Variants in ISM1 observed in about 807,000 individuals in gnomAD.
ISM1 encodes isthmin 1.
A neutral mutation model predicts 46.3 loss-of-function variants in ISM1; 25 were observed. The ratio of observed to expected loss-of-function variants is 0.54; its 90% confidence interval spans 0.39 to 0.75. ISM1 has a LOEUF of 0.75. Among genes scored for constraint, ISM1 ranks in the 30% least tolerant of loss-of-function variants. The pLI, the probability that ISM1 is intolerant of heterozygous loss-of-function variation, is 0.00. For missense variants in ISM1, 536 were observed against 625.4 expected (o/e 0.86, Z 1.52); for synonymous variants, 255 against 256.7 (o/e 0.99, Z 0.06).
the ISM1 span, among the ~76,000 whole-genome samples, chr20:13,306,748 A>G: frequency 6.6e-6 from 1 of 152,098 alleles, no homozygotes; most frequent in African/African-American, 2.4e-5. Context: ...AACCTTCAAA[A>G]ATCCTCCCTT....
In ISM1 at chr20:13,299,491, C is replaced by G. The variant is rs1342284525; in HGVS notation, c.*32C>G. On this transcript the variant is annotated 3_prime_UTR_variant, in exon 6 of 6. Coordinates refer to ENST00000262487, the MANE Select transcript of ISM1 (RefSeq NM_080826.2). The surrounding 1 kb of genome is among the most constrained non-coding windows in gnomAD (Gnocchi z 5.8). ...TGGGATGAGGTGGAGGACGCTGCCT[C>G]TGGTTCTGGAGCACACACGTGCTGC... 12 of 1,568,064 alleles carry G rather than the reference C, an allele frequency of 7.7e-6. No homozygotes were observed. Among genetic ancestry groups the G allele is most frequent in the Non-Finnish European group, 1.0e-5 (12 of 1,159,266 alleles).
chr20:13,254,522 T>C (rs926180690), intron 1 of ISM1, among the ~76,000 whole-genome samples: 9 of 152,202 alleles, frequency 5.9e-5, no homozygotes, highest in African/African-American at 1.9e-4. Context: ...CTGCTCTCTG[T>C]TGCTTTGCCA....
At chr20:13,237,643 T>G (rs931902895) in intron 1 of ISM1, among the ~76,000 whole-genome samples, 3 of 152,180 alleles carry the variant, frequency 2.0e-5, no homozygotes, top group African/African-American at 7.2e-5. Context: ...CTAGGTGTCT[T>G]CAGTTTGTGA....
chr20:13,298,564 A>AT (rs1157879462), intron 5 of ISM1, among the ~76,000 whole-genome samples: 4 of 152,222 alleles, frequency 2.6e-5, no homozygotes, highest in African/African-American at 7.2e-5. Flanking sequence ...TTTCCACAAC[A>AT]TTTTTTAAAA....
intron 1 of ISM1, among the ~76,000 whole-genome samples, chr20:13,232,468 G>A (rs945847752): frequency 6.6e-6 from 1 of 152,212 alleles, no homozygotes; most frequent in African/African-American, 2.4e-5. Context: ...TCTGTGCATA[G>A]ATAATTTGTT....
chr20:13,304,018 A>G (rs1448254707), downstream of ISM1, among the ~76,000 whole-genome samples: 1 of 152,204 alleles, frequency 6.6e-6, no homozygotes, highest in Non-Finnish European at 1.5e-5. Context: ...GACTCCTTCC[A>G]TCTTGTGGCT....
intron 3 of ISM1, among the ~76,000 whole-genome samples, chr20:13,285,674 G>T (rs561146483): frequency 1.7e-4 from 26 of 152,326 alleles, no homozygotes; most frequent in African/African-American, 6.0e-4. Context: ...GAATCAGCCC[G>T]AGAGGGGAGT....
At position 13,279,858 on chromosome 20, in the gene ISM1, A is replaced by G. The variant is rs545795366; in HGVS notation, c.603A>G (p.Pro201=). The G allele has an allele frequency of 7.0e-5, 113 of 1,613,958 alleles. 3 individuals carry two copies. The South Asian group carries it at 1.2e-3, about 17-fold the overall frequency. Residue 201 remains proline (P), a synonymous_variant, in exon 3 of 6, where the codon CCA becomes CCG. Coordinates refer to ENST00000262487, the MANE Select transcript of ISM1 (RefSeq NM_080826.2). ...CCAGGGGGTGGGACCATACAGCCCC[A>G]GGCCACCGGACTTTTGAAACCAAAG... ...NPPRGWDHTA[P]GHRTFETKDQ...
intron 2 of ISM1, among the ~76,000 whole-genome samples, chr20:13,275,360 A>G (rs1158575608): frequency 6.6e-6 from 1 of 152,156 alleles, no homozygotes; most frequent in Non-Finnish European, 1.5e-5. Flanking sequence ...TTTTCTCTAA[A>G]ATACTTTTAG....
Position 13,258,209 on chromosome 20 carries a change from ATCAACAG to A in ISM1, c.139-12294_139-12288del, listed in dbSNP as rs1286314633. 1.6e-4 allele frequency among the ~76,000 whole-genome samples: 24 copies of A among 152,208 alleles called. No individual in the cohort carries two copies. In the Middle Eastern group the frequency reaches 0.014, roughly 86 times the overall value. On this transcript the variant is annotated intron_variant, in intron 1 of 5. Coordinates refer to ENST00000262487, the MANE Select transcript of ISM1 (RefSeq NM_080826.2). ...TGGGCACATGATCTGCATGTATTAC[ATCAACAG>A]GCTCCCTTGCTGTCTAGCTTCTGAT...
chr20:13,276,797 G>A (rs151028336), intron 2 of ISM1, among the ~76,000 whole-genome samples: 5 of 152,218 alleles, frequency 3.3e-5, no homozygotes, highest in Admixed American at 6.5e-5. Flanking sequence ...AACATAAAAC[G>A]AGCCCTCGCC....
intron 1 of ISM1, among the ~76,000 whole-genome samples, chr20:13,225,182 T>G (rs927113401): frequency 2.0e-5 from 3 of 151,904 alleles, no homozygotes; most frequent in Non-Finnish European, 2.9e-5. Flanking sequence ...CTCACAAAAA[T>G]CCCGGGAATT....
chr20:13,299,484 G>A lies in ISM1; in HGVS notation c.*25G>A, dbSNP rs373774554. The stretch of plus-strand genomic sequence containing the variant: ...AAGAGACTGGGATGAGGTGGAGGAC[G>A]CTGCCTCTGGTTCTGGAGCACACAC... On this transcript the variant is annotated 3_prime_UTR_variant, in exon 6 of 6. Transcript: ENST00000262487. The surrounding 1 kb of genome is among the most constrained non-coding windows in gnomAD (Gnocchi z 5.8). 1.3e-5 allele frequency: 21 copies of A among 1,570,362 alleles called. No homozygotes were observed. Among genetic ancestry groups the A allele is most frequent in the Non-Finnish European group, 1.8e-5 (21 of 1,159,842 alleles).
chr20:13,240,064 C>T (rs1207789950), intron 1 of ISM1, among the ~76,000 whole-genome samples: 1 of 152,168 alleles, frequency 6.6e-6, no homozygotes, highest in East Asian at 1.9e-4. Flanking sequence ...TAATATACAA[C>T]CAAACTGCAG....
chr20:13,244,649 A>G (rs2039772967), intron 1 of ISM1, among the ~76,000 whole-genome samples: 1 of 152,258 alleles, frequency 6.6e-6, no homozygotes, highest in South Asian at 2.1e-4. Flanking sequence ...CATAATTTAA[A>G]CACAGATAAG....
At chr20:13,237,057 C>T (rs1412437560) in intron 1 of ISM1, among the ~76,000 whole-genome samples, 3 of 152,178 alleles carry the variant, frequency 2.0e-5, no homozygotes, top group South Asian at 2.1e-4. Flanking sequence ...GTGGGGGCTC[C>T]GGTCCCACAT....
intron 1 of ISM1, among the ~76,000 whole-genome samples, chr20:13,248,329 T>C (rs1330223300): frequency 1.3e-5 from 2 of 152,208 alleles, no homozygotes. Context: ...ATTGCTGGTG[T>C]GTGAACTGTC....
intron 5 of ISM1, among the ~76,000 whole-genome samples, chr20:13,298,399 T>G (rs538963992): frequency 4.7e-4 from 72 of 152,304 alleles, no homozygotes; most frequent in African/African-American, 1.6e-3. Flanking sequence ...TACAGGCATA[T>G]GCCACCGTGC....
In ISM1 at chr20:13,253,862, C is replaced by CATAT. The variant is rs546741165; in HGVS notation, c.139-16629_139-16626dup. On this transcript the variant is annotated intron_variant, in intron 1 of 5. Coordinates refer to ENST00000262487, the MANE Select transcript of ISM1 (RefSeq NM_080826.2). ...AAAATAACACATACACATCCATATC[C>CATAT]ATATATATATATATATGTGTGTGTG... Among the ~76,000 whole-genome samples the CATAT allele has an allele frequency of 7.5e-3, 1,054 of 140,234 alleles. 20 individuals are homozygous for CATAT. Among genetic ancestry groups the CATAT allele is most frequent in the African/African-American group, 0.025 (919 of 37,048 alleles). 92.0% of individuals were successfully genotyped at this position (140,234 alleles called of 152,430 possible).
Sources: gnomAD v4.1 joint callset for allele counts (sites outside exome capture counted in the v4.1 genomes callset) on GRCh38, gnomAD v4.1.1 for gene constraint, Gnocchi (gnomAD v3.1) non-coding constraint, MANE v1.5 for transcripts, NCBI Gene and HGNC (gene_info 2026-07-23, HGNC 2026-07-21) for gene names.